PTPRM: variants seen among roughly 807,000 people sequenced by gnomAD.
The protein encoded by PTPRM is protein tyrosine phosphatase receptor type M, also known as receptor-type tyrosine-protein phosphatase mu.
PTPRM carries 47 observed loss-of-function variants against 186.7 expected under a neutral mutation model. The observed-to-expected ratio is 0.25, with a 90% CI of 0.20 to 0.32. The LOEUF is 0.32. Among genes scored for constraint, PTPRM ranks in the 10% least tolerant of loss-of-function variants. PTPRM has a pLI of 1.00. For synonymous variants in PTPRM, 668 were observed against 674.9 expected (o/e 0.99, Z 0.16); for missense variants, 1,494 against 1,865.0 (o/e 0.80, Z 3.66).
chr18:7,619,736 A>T (rs115636872), intron 1 of PTPRM, among the ~76,000 whole-genome samples: 2,450 of 152,274 alleles, frequency 0.016, 69 homozygotes, highest in African/African-American at 0.056. Context: ...CCCACTGGAT[A>T]TATGAATATT....
intron 24 of PTPRM, 103 bp from the exon 25 acceptor site, chr18:8,375,943 A>C: frequency 7.8e-7 from 1 of 1,284,878 alleles, no homozygotes. Flanking sequence ...CTGGCCCTAG[A>C]CTTGCTACCT....
chr18:8,225,601 C>T (rs1254640169), intron 14 of PTPRM, among the ~76,000 whole-genome samples: 1 of 152,184 alleles, frequency 6.6e-6, no homozygotes, highest in African/African-American at 2.4e-5. Context: ...CTTCTAGGCT[C>T]ACATCAGCCA....
At chr18:7,654,109 A>T (rs763888202) in intron 1 of PTPRM, among the ~76,000 whole-genome samples, 2 of 152,200 alleles carry the variant, frequency 1.3e-5, no homozygotes, top group Middle Eastern at 3.4e-3. Flanking sequence ...GGCCATATGT[A>T]TGTCTTCTTT....
chr18:8,360,623 AGG>A (rs1204580439), intron 23 of PTPRM, among the ~76,000 whole-genome samples: 1 of 152,210 alleles, frequency 6.6e-6, no homozygotes, highest in Non-Finnish European at 1.5e-5. Flanking sequence ...ATTACTTGCT[AGG>A]ACTTTGTATA....
At chr18:7,596,398 C>T (rs1277198027) in intron 1 of PTPRM, among the ~76,000 whole-genome samples, 1 of 152,196 alleles carries the variant, frequency 6.6e-6, no homozygotes, top group Non-Finnish European at 1.5e-5. Flanking sequence ...AATGCCTTGT[C>T]TTTCACCTGA....
rs180920227 is a variant in PTPRM, at chr18:7,818,599, T to C, written c.196+44328T>C. On this transcript the variant is annotated intron_variant, in intron 2 of 32. Coordinates refer to ENST00000580170, the MANE Select transcript of PTPRM (RefSeq NM_001105244.2). ...CCCTAAGCACTTGGACAGTATTTAA[T>C]CCTCTCTTTCTTTTAGTAGCTATGA... 1.1e-4 allele frequency among the ~76,000 whole-genome samples: 16 copies of C among 152,336 alleles called. No individual in the cohort carries two copies. The East Asian group carries it at 2.3e-3, about 22-fold the overall frequency.
intron 8 of PTPRM, among the ~76,000 whole-genome samples, chr18:8,075,897 C>A (rs970156577): frequency 6.6e-6 from 1 of 152,078 alleles, no homozygotes; most frequent in Middle Eastern, 3.2e-3. Context: ...TACTTTCAAT[C>A]TTTTCAGTAT....
intron 2 of PTPRM, among the ~76,000 whole-genome samples, chr18:7,836,003 G>A (rs545596188): frequency 6.6e-6 from 1 of 152,104 alleles, no homozygotes; most frequent in Admixed American, 6.6e-5. Flanking sequence ...CCTGAAGTAT[G>A]TTTCTTGTAG....
intron 1 of PTPRM, among the ~76,000 whole-genome samples, chr18:7,641,349 A>C (rs1271803762): frequency 6.6e-6 from 1 of 152,250 alleles, no homozygotes; most frequent in Admixed American, 6.5e-5. Flanking sequence ...AAATGTGATC[A>C]GAAATACCCA....
chr18:7,615,529 G>C (rs1433076224), intron 1 of PTPRM, among the ~76,000 whole-genome samples: 2 of 152,108 alleles, frequency 1.3e-5, no homozygotes, highest in African/African-American at 4.8e-5. Flanking sequence ...AGCCATCCCT[G>C]TCATCTGGGA....
chr18:8,221,661 G>A (rs748946835), intron 14 of PTPRM, among the ~76,000 whole-genome samples: 15 of 152,216 alleles, frequency 9.9e-5, no homozygotes, highest in Non-Finnish European at 2.1e-4. Context: ...AGTGGATGAA[G>A]TCTGGTGCTG....
intron 14 of PTPRM, among the ~76,000 whole-genome samples, chr18:8,200,192 T>A (rs2093834651): frequency 6.6e-6 from 1 of 151,778 alleles, no homozygotes; most frequent in Non-Finnish European, 1.5e-5. Flanking sequence ...TAGAGCAAGT[T>A]TGGGGACTTC....
intron 13 of PTPRM, among the ~76,000 whole-genome samples, chr18:8,124,201 G>A (rs1307997257): frequency 1.3e-5 from 2 of 152,020 alleles, no homozygotes; most frequent in East Asian, 1.9e-4. Flanking sequence ...TTAAAATGAT[G>A]GTGTATCAGA....
At chr18:7,587,301 CCATTTTT>C (rs977350140) in intron 1 of PTPRM, among the ~76,000 whole-genome samples, 3 of 151,976 alleles carry the variant, frequency 2.0e-5, no homozygotes, top group African/African-American at 7.2e-5. Flanking sequence ...AATTCTATTT[CCATTTTT>C]CATTTTTATA....
chr18:7,689,410 C>T (rs920726162), intron 1 of PTPRM, among the ~76,000 whole-genome samples: 3 of 152,200 alleles, frequency 2.0e-5, no homozygotes, highest in African/African-American at 7.2e-5. Flanking sequence ...CCTCGGCCCA[C>T]CCCATGTCTC....
intron 14 of PTPRM, among the ~76,000 whole-genome samples, chr18:8,232,427 G>A (rs1164313923): frequency 6.6e-6 from 1 of 152,240 alleles, no homozygotes; most frequent in East Asian, 1.9e-4. Context: ...TGGAGGTTTT[G>A]TGTGAGCATA....
chr18:7,898,651 T>A (rs1052750803), intron 3 of PTPRM, among the ~76,000 whole-genome samples: 3 of 152,194 alleles, frequency 2.0e-5, no homozygotes, highest in Admixed American at 6.5e-5. Context: ...CCAAAGGCTA[T>A]AGGGATACAA....
At chr18:7,772,355 CTT>C (rs1386097847) in intron 1 of PTPRM, among the ~76,000 whole-genome samples, 2 of 27,360 alleles carry the variant, frequency 7.3e-5, no homozygotes, top group East Asian at 3.5e-3. Context: ...CTTTCTCTTT[CTT>C]TCTTTCTTTC....
intron 1 of PTPRM, among the ~76,000 whole-genome samples, chr18:7,594,955 A>G (rs985365338): frequency 6.6e-6 from 1 of 152,180 alleles, no homozygotes; most frequent in African/African-American, 2.4e-5. Flanking sequence ...CTGAGTTTTG[A>G]CAGTGGGGAC....
Sources: gnomAD v4.1 joint callset for allele counts (sites outside exome capture counted in the v4.1 genomes callset) on GRCh38, gnomAD v4.1.1 for gene constraint, MANE v1.5 for transcripts, NCBI Gene and HGNC (gene_info 2026-07-23, HGNC 2026-07-21) for gene names.